The following RANBP17 variants were observed in gnomAD, a reference collection of about 807,000 sequenced individuals.
The protein encoded by RANBP17 is ran-binding protein 17.
RANBP17 carries 158 observed loss-of-function variants against 141.2 expected under a neutral mutation model. That is an observed-to-expected ratio of 1.12 (90% CI 0.98 to 1.28). RANBP17 has a LOEUF of 1.28. Ranked by LOEUF, RANBP17 falls within the 50% of genes most tolerant of loss-of-function variation. The pLI, the probability that RANBP17 is intolerant of heterozygous loss-of-function variation, is 0.00. For missense variants in RANBP17, 1,438 were observed against 1,290.7 expected (o/e 1.11, Z -1.75); for synonymous variants, 430 against 450.0 (o/e 0.96, Z 0.56).
At chr5:170,928,900 C>T (rs1228477947) in intron 12 of RANBP17, among the ~76,000 whole-genome samples, 2 of 151,848 alleles carry the variant, frequency 1.3e-5, no homozygotes, top group African/African-American at 2.4e-5. Context: ...ATCTATACAT[C>T]AGTTTGGGCC....
At chr5:171,203,705 A>G (rs1409305846) in intron 19 of RANBP17, among the ~76,000 whole-genome samples, 1 of 152,206 alleles carries the variant, frequency 6.6e-6, no homozygotes, top group Non-Finnish European at 1.5e-5. Context: ...ATTTTTGTAT[A>G]ACGAGGATAG....
rs535689487 is a variant in RANBP17, at chr5:171,176,558, C to T, written c.1865+5272C>T. Among the ~76,000 whole-genome samples, 219 of 152,218 alleles carry T rather than the reference C, an allele frequency of 1.4e-3. 1 individual carries two copies. The highest frequency in any genetic ancestry group is 2.8e-3 in the Non-Finnish European group (188 of 68,004). The stretch of plus-strand genomic sequence containing the variant: ...CAGAATTGACACTGATTGCAAACTT[C>T]CTTTTCTATATTTCTCCAAAGAGCT... On this transcript the variant is annotated intron_variant, in intron 16 of 27. Coordinates refer to ENST00000523189, the MANE Select transcript of RANBP17 (RefSeq NM_022897.5).
rs1216053612 is a variant in RANBP17 at position 171,170,128 on chromosome 5, A to G, written c.1711-2A>G. On this transcript the variant is annotated splice_acceptor_variant, in intron 14 of 27. Coordinates refer to ENST00000523189, the MANE Select transcript of RANBP17 (RefSeq NM_022897.5). LOFTEE classifies it high-confidence loss of function. ...TTTTAACAATGAAATGTTTTAATGC[A>G]GGTATATGCTCGTATGTCAGAAGTC... 1.3e-6 allele frequency: 2 copies of G among 1,502,298 alleles called. No individual in the cohort carries two copies. The highest frequency in any genetic ancestry group is 2.6e-5 in the South Asian group (2 of 77,466). 93.1% of individuals were successfully genotyped at this position (1,502,298 alleles called of 1,614,324 possible).
intron 24 of RANBP17, among the ~76,000 whole-genome samples, chr5:171,253,519 G>T (rs1361576536): frequency 6.6e-6 from 1 of 152,144 alleles, no homozygotes; most frequent in Admixed American, 6.5e-5. Context: ...TCCAGTGTCA[G>T]GAAGACAAAG....
intron 14 of RANBP17, among the ~76,000 whole-genome samples, chr5:171,012,043 AAC>A: frequency 6.8e-6 from 1 of 148,054 alleles, no homozygotes. Flanking sequence ...TATTTGTTTA[AAC>A]AAATTATATT....
At chr5:170,985,257 A>C (rs899143684) in intron 14 of RANBP17, among the ~76,000 whole-genome samples, 1 of 152,096 alleles carries the variant, frequency 6.6e-6, no homozygotes, top group Non-Finnish European at 1.5e-5. Context: ...CCTACCATAA[A>C]CATCAGTTTT....
chr5:171,200,582 A>G (rs1762243133), intron 19 of RANBP17, among the ~76,000 whole-genome samples: 1 of 151,998 alleles, frequency 6.6e-6, no homozygotes, highest in African/African-American at 2.4e-5. Flanking sequence ...AATGCACTCC[A>G]GAGAATGTAG....
intron 3 of RANBP17, among the ~76,000 whole-genome samples, chr5:170,884,277 C>A (rs376846536): frequency 9.8e-4 from 149 of 152,216 alleles, no homozygotes; most frequent in African/African-American, 3.5e-3. Context: ...GGCATTGACC[C>A]CCTGCGCAAT....
chr5:171,129,197 T>G (rs1756720171), intron 14 of RANBP17, among the ~76,000 whole-genome samples: 1 of 152,152 alleles, frequency 6.6e-6, no homozygotes, highest in Admixed American at 6.5e-5. Context: ...AAGCAACAAG[T>G]CTAGCTGTCA....
chr5:170,936,583 A>G (rs1773898277), intron 12 of RANBP17, among the ~76,000 whole-genome samples: 1 of 152,168 alleles, frequency 6.6e-6, no homozygotes, highest in Non-Finnish European at 1.5e-5. Context: ...TACCTTGGTC[A>G]AGTATCATTT....
chr5:171,268,421 T>G (rs1225057514), intron 25 of RANBP17, among the ~76,000 whole-genome samples: 1 of 152,184 alleles, frequency 6.6e-6, no homozygotes, highest in Non-Finnish European at 1.5e-5. Flanking sequence ...TCTGTTTGAC[T>G]GAAAAGCGCA....
intron 18 of RANBP17, among the ~76,000 whole-genome samples, chr5:171,188,414 C>T (rs930488665): frequency 6.6e-6 from 1 of 152,202 alleles, no homozygotes; most frequent in Non-Finnish European, 1.5e-5. Context: ...TTAGAAAGCA[C>T]AGTGTGCTAA....
intron 13 of RANBP17, among the ~76,000 whole-genome samples, chr5:170,957,937 G>A (rs756667271): frequency 1.3e-5 from 2 of 152,142 alleles, no homozygotes; most frequent in African/African-American, 2.4e-5. Context: ...ACCTAATCCT[G>A]TATTTTACCT....
chr5:171,252,868 G>C, intron 24 of RANBP17: 6 of 1,364,344 alleles, frequency 4.4e-6, no homozygotes, highest in Non-Finnish European at 6.3e-6. Flanking sequence ...GTTGTTGTTT[G>C]ATGACGACAT....
At position 171,242,766 on chromosome 5, in the gene RANBP17, C is replaced by A. The variant is rs766439952; in HGVS notation, c.2722C>A (p.Pro908Thr). 1 of 1,613,384 alleles carries A rather than the reference C, an allele frequency of 6.2e-7. No individual in the cohort carries two copies. The highest frequency in any genetic ancestry group is 1.1e-5 in the South Asian group (1 of 91,050). The part of the protein sequence containing the change: ...DHMSFIINLE[P>T]PVLMYVLTSI... Reference sequence around the variant, plus strand: ...TATGAGCTTCATCATCAACTTAGAGCCTCCTGTACTCATGTATGTTCTCAC... The same window carrying A: ...TATGAGCTTCATCATCAACTTAGAGACTCCTGTACTCATGTATGTTCTCAC... The change falls in exon 24 of 28, where the codon CCT (proline) becomes ACT (threonine). Residue 908 changes from proline to threonine, a missense_variant. By Grantham distance (38) the Pro-to-Thr change is conservative (BLOSUM62 -1). Transcript: ENST00000523189.
intron 14 of RANBP17, among the ~76,000 whole-genome samples, chr5:171,158,771 C>A (rs1759084957): frequency 6.6e-6 from 1 of 152,138 alleles, no homozygotes; most frequent in African/African-American, 2.4e-5. Flanking sequence ...TTCTCACCTG[C>A]CCTTTTTATC....
chr5:170,892,628 C>A, intron 4 of RANBP17, 75 bp downstream of exon 4: 2 of 1,151,426 alleles, frequency 1.7e-6, no homozygotes, highest in Non-Finnish European at 2.4e-6. Context: ...CTTCTTAAAG[C>A]GATATAGTTT....
chr5:171,241,178 A>T, intron 23 of RANBP17, 36 bp downstream of exon 23: 1 of 1,472,848 alleles, frequency 6.8e-7, no homozygotes, highest in Middle Eastern at 1.7e-4. Flanking sequence ...GTTTGTATGA[A>T]ATGTGAAGTA....
intron 24 of RANBP17, among the ~76,000 whole-genome samples, chr5:171,253,712 T>G (rs1474238485): frequency 6.6e-6 from 1 of 152,214 alleles, no homozygotes; most frequent in African/African-American, 2.4e-5. Context: ...GTCAGTAAAT[T>G]TGAGCATATT....
Sources: gnomAD v4.1 joint callset for allele counts (sites outside exome capture counted in the v4.1 genomes callset) on GRCh38, gnomAD v4.1.1 for gene constraint, MANE v1.5 for transcripts, NCBI Gene and HGNC (gene_info 2026-07-23, HGNC 2026-07-21) for gene names.